ROBO2: variants seen among roughly 807,000 people sequenced by gnomAD.
ROBO2 encodes the protein roundabout homolog 2.
Under a neutral mutation model 160.8 loss-of-function variants are expected in ROBO2, and 53 were observed. The observed-to-expected ratio is 0.33, with a 90% CI of 0.26 to 0.41. ROBO2 has a LOEUF of 0.41. Ranked by LOEUF, ROBO2 falls within the 10% of genes least tolerant of loss-of-function variation. ROBO2 has a pLI of 1.00. For missense variants in ROBO2, 1,577 were observed against 1,722.4 expected (o/e 0.92, Z 1.49); for synonymous variants, 664 against 611.7 (o/e 1.09, Z -1.26).
At chr3:76,759,456 C>A (rs1427421228) in intron 2 of ROBO2, among the ~76,000 whole-genome samples, 3 of 151,398 alleles carry the variant, frequency 2.0e-5, no homozygotes, top group African/African-American at 4.8e-5. Flanking sequence ...TTTAGTGTAC[C>A]TAAAAATTTT....
intron 15 of ROBO2, 94 bp downstream of exon 16, chr3:77,577,708 T>G: frequency 1.4e-6 from 2 of 1,443,362 alleles, no homozygotes; most frequent in Non-Finnish European, 1.9e-6. Flanking sequence ...AAGGTTCTCT[T>G]ATTCAGTTTA....
At chr3:76,997,165 GT>G (rs1205472445) in intron 2 of ROBO2, among the ~76,000 whole-genome samples, 9 of 152,110 alleles carry the variant, frequency 5.9e-5, no homozygotes, top group African/African-American at 1.9e-4. Context: ...AATTGTTTTT[GT>G]TTTTAGTATG....
At chr3:76,098,826 C>T (rs988613594) in intron 2 of ROBO2, among the ~76,000 whole-genome samples, 2 of 152,080 alleles carry the variant, frequency 1.3e-5, no homozygotes, top group African/African-American at 2.4e-5. Flanking sequence ...GTCTCGAGTT[C>T]ATGTTCTGAA....
chr3:76,349,169 T>A (rs1372845526), intron 2 of ROBO2, among the ~76,000 whole-genome samples: 1 of 152,138 alleles, frequency 6.6e-6, no homozygotes, highest in African/African-American at 2.4e-5. Context: ...ATGTAACATA[T>A]TTTTAAAAGA....
intron 2 of ROBO2, among the ~76,000 whole-genome samples, chr3:75,992,593 T>C (rs1000315762): frequency 1.3e-5 from 2 of 151,730 alleles, no homozygotes; most frequent in African/African-American, 4.8e-5. Flanking sequence ...AAATGTGGAG[T>C]TGGAGCCCCC....
At chr3:76,125,583 T>A (rs1180581860) in intron 2 of ROBO2, among the ~76,000 whole-genome samples, 1 of 152,088 alleles carries the variant, frequency 6.6e-6, no homozygotes, top group Admixed American at 6.6e-5. Context: ...GGATTTGCAT[T>A]TCTCTGATAA....
At chr3:77,299,514 G>T (rs1374363867) in intron 2 of ROBO2, among the ~76,000 whole-genome samples, 1 of 152,124 alleles carries the variant, frequency 6.6e-6, no homozygotes, top group Non-Finnish European at 1.5e-5. Flanking sequence ...TCTTCACGTG[G>T]CAGCAGGAAG....
intron 2 of ROBO2, among the ~76,000 whole-genome samples, chr3:76,524,408 T>C (rs1268989983): frequency 6.6e-6 from 1 of 151,964 alleles, no homozygotes; most frequent in Non-Finnish European, 1.5e-5. Flanking sequence ...ATATATGCCC[T>C]ATGGGTCACT....
chr3:76,110,417 AT>A (rs1381519327), intron 2 of ROBO2, among the ~76,000 whole-genome samples: 1 of 152,100 alleles, frequency 6.6e-6, no homozygotes, highest in Non-Finnish European at 1.5e-5. Flanking sequence ...TAGAATCCAT[AT>A]GCTTAATAAT....
At chr3:76,857,846 C>G (rs2070299681) in intron 2 of ROBO2, among the ~76,000 whole-genome samples, 1 of 152,058 alleles carries the variant, frequency 6.6e-6, no homozygotes, top group Non-Finnish European at 1.5e-5. Context: ...ATAATTTGAC[C>G]CCAGGCTACC....
At chr3:76,840,167 T>A (rs1448593360) in intron 2 of ROBO2, among the ~76,000 whole-genome samples, 7 of 152,180 alleles carry the variant, frequency 4.6e-5, no homozygotes, top group South Asian at 2.1e-4. Context: ...TGTATTTTTT[T>A]AATTTCAATT....
At chr3:76,856,271 T>G (rs1411408983) in intron 2 of ROBO2, among the ~76,000 whole-genome samples, 1 of 152,226 alleles carries the variant, frequency 6.6e-6, no homozygotes, top group Non-Finnish European at 1.5e-5. Flanking sequence ...AGATCGATCC[T>G]TTACCACATC....
At chr3:76,544,143 A>C (rs1281409901) in intron 2 of ROBO2, among the ~76,000 whole-genome samples, 3 of 152,058 alleles carry the variant, frequency 2.0e-5, no homozygotes, top group Non-Finnish European at 2.9e-5. Flanking sequence ...TTGTTGAGAA[A>C]TATGCTCAGT....
At chr3:76,490,273 C>T (rs1425363801) in intron 2 of ROBO2, among the ~76,000 whole-genome samples, 1 of 152,190 alleles carries the variant, frequency 6.6e-6, no homozygotes, top group Non-Finnish European at 1.5e-5. Flanking sequence ...ACCTAAAACA[C>T]TTCTCAGTGG....
intron 2 of ROBO2, among the ~76,000 whole-genome samples, chr3:76,951,666 T>C (rs923370993): frequency 3.9e-5 from 6 of 152,164 alleles, no homozygotes; most frequent in Non-Finnish European, 7.3e-5. Flanking sequence ...GCATGTACGA[T>C]ATGTGTGTTG....
chr3:77,395,164 C>T (rs185703104), intron 2 of ROBO2, among the ~76,000 whole-genome samples: 51 of 152,250 alleles, frequency 3.3e-4, no homozygotes, highest in African/African-American at 1.2e-3. Context: ...AGTCTAATTT[C>T]CTATTATGAT....
At chr3:77,447,384 C>G (rs1341067155) in intron 2 of ROBO2, among the ~76,000 whole-genome samples, 1 of 151,988 alleles carries the variant, frequency 6.6e-6, no homozygotes, top group African/African-American at 2.4e-5. Flanking sequence ...GGTTCTTCTT[C>G]AGTAATGCTG....
At chr3:77,521,526 G>A (rs953823230) in intron 5 of ROBO2, among the ~76,000 whole-genome samples, 2 of 151,138 alleles carry the variant, frequency 1.3e-5, no homozygotes, top group African/African-American at 4.8e-5. Flanking sequence ...AAAAAGTAGT[G>A]GATAAGTTTT....
At chr3:76,028,178 C>T (rs1283847083) in intron 2 of ROBO2, among the ~76,000 whole-genome samples, 2 of 151,568 alleles carry the variant, frequency 1.3e-5, no homozygotes, top group Non-Finnish European at 2.9e-5. Flanking sequence ...AACATAAGCA[C>T]AATAAAACAC....
Sources: allele counts gnomAD v4.1 joint callset (sites outside exome capture counted in the v4.1 genomes callset), GRCh38; gene constraint gnomAD v4.1.1; transcripts MANE v1.5; gene names NCBI Gene and HGNC (gene_info 2026-07-23, HGNC 2026-07-21).